Variants in ANO4 observed in about 807,000 individuals in gnomAD.
The protein encoded by ANO4 is anoctamin-4.
A neutral mutation model predicts 141.9 loss-of-function variants in ANO4; 69 were observed. The ratio of observed to expected loss-of-function variants is 0.49; its 90% confidence interval spans 0.40 to 0.59. The LOEUF (loss-of-function observed/expected upper bound fraction) is 0.59. ANO4 is among the 20% of genes least tolerant of loss of function. The probability of loss-of-function intolerance (pLI) is 0.00; values close to 1 mark genes in which losing one functional copy is unlikely to be tolerated. For synonymous variants in ANO4, 350 were observed against 394.3 expected, an observed-to-expected ratio of 0.89 and a Z score of 1.33; for missense variants, 894 against 1,162.2, an observed-to-expected ratio of 0.77 and a Z score of 3.36.
At chr12:101,051,880 AT>A (rs2136675792) in intron 14 of ANO4, among the ~76,000 whole-genome samples, 1 of 152,328 alleles carries the variant, frequency 6.6e-6, no homozygotes, top group African/African-American at 2.4e-5. Context: ...AGCCTCATTT[AT>A]CCTGCTTTGA....
intron 1 of ANO4, among the ~76,000 whole-genome samples, chr12:100,731,356 A>T (rs529064365): frequency 6.1e-4 from 93 of 152,190 alleles, no homozygotes; most frequent in Admixed American, 1.5e-3. Context: ...CCCTATGTTA[A>T]TTTTTTTACA....
chr12:100,999,899 T>G (rs942456546), intron 8 of ANO4, among the ~76,000 whole-genome samples: 1 of 149,290 alleles, frequency 6.7e-6, no homozygotes, highest in Non-Finnish European at 1.5e-5. Context: ...AAAAAAAAAC[T>G]TTAGCCAGGC....
chr12:101,010,973 G>A (rs897487028), intron 8 of ANO4, among the ~76,000 whole-genome samples: 1 of 152,212 alleles, frequency 6.6e-6, no homozygotes, highest in African/African-American at 2.4e-5. Context: ...TGTGGCTGCA[G>A]TTGTCCCTTT....
Position 100,895,561 on chromosome 12 carries a change from G to GTTTTTT in ANO4, c.-140-6074_-140-6069dup, listed in dbSNP as rs201323252. The stretch of plus-strand genomic sequence containing the variant: ...GAGCCTTAAAGAAAATCTGAGCTTT[G>GTTTTTT]TTTTTTTTTTTTTTTTGAGACAGAG... On this transcript the variant is annotated intron_variant, in intron 1 of 27. Transcript: ENST00000392977. 6.7e-3 allele frequency among the ~76,000 whole-genome samples: 882 copies of GTTTTTT among 131,078 alleles called. 20 individuals carry two copies. Among genetic ancestry groups the GTTTTTT allele is most frequent in the African/African-American group, 0.023 (829 of 35,620 alleles). 86.0% of individuals were successfully genotyped at this position (131,078 alleles called of 152,430 possible).
intron 3 of ANO4, among the ~76,000 whole-genome samples, chr12:100,929,889 A>G (rs546449126): frequency 6.6e-6 from 1 of 152,154 alleles, no homozygotes; most frequent in African/African-American, 2.4e-5. Flanking sequence ...TTACAATGAG[A>G]TTTCTCATTG....
intron 3 of ANO4, among the ~76,000 whole-genome samples, chr12:100,755,472 G>A (rs925719149): frequency 7.9e-5 from 12 of 152,160 alleles, no homozygotes; most frequent in African/African-American, 2.7e-4. Context: ...GAGAATGTCT[G>A]ATTTGAATTT....
Position 101,039,983 on chromosome 12 carries a change from G to T in ANO4, c.926G>T (p.Arg309Leu). ...AGTTATAGAAGTAAAAACTCCATTCGAACCCATGGAGCAGAAAACCACCGA... is the reference window on the plus strand; with the variant it reads ...AGTTATAGAAGTAAAAACTCCATTCTAACCCATGGAGCAGAAAACCACCGA... ...EGSYRSKNSIRTHGAENHRHL... is the reference protein window; with the variant it reads ...EGSYRSKNSILTHGAENHRHL... Residue 309 changes from arginine to leucine, a missense_variant, in exon 11 of 28, where the codon CGA becomes CTA. Physicochemically the swap from Arg to Leu is moderately radical, Grantham distance 102. Coordinates refer to ENST00000392977, the MANE Select transcript of ANO4 (RefSeq NM_001286615.2). 1 of 1,587,020 alleles carries T rather than the reference G, an allele frequency of 6.3e-7. No homozygotes were observed. Among genetic ancestry groups the T allele is most frequent in the Non-Finnish European group, 8.6e-7 (1 of 1,165,938 alleles).
chr12:100,723,490 G>A (rs909373254), intron 1 of ANO4, among the ~76,000 whole-genome samples: 1 of 152,100 alleles, frequency 6.6e-6, no homozygotes, highest in Non-Finnish European at 1.5e-5. Flanking sequence ...CCCATCACCG[G>A]GGGCCCATCC....
intron 26 of ANO4, among the ~76,000 whole-genome samples, chr12:101,123,554 A>G (rs2051184367): frequency 1.3e-5 from 2 of 150,962 alleles, no homozygotes; most frequent in Admixed American, 1.3e-4. Flanking sequence ...CCCACTTATA[A>G]GTGAGAACAT....
chr12:100,979,736 T>C (rs1366342994), intron 7 of ANO4, among the ~76,000 whole-genome samples: 1 of 150,114 alleles, frequency 6.7e-6, no homozygotes, highest in Non-Finnish European at 1.5e-5. Flanking sequence ...TTTTATTTAT[T>C]TTTTTTTTTG....
At chr12:100,867,873 A>G (rs1302258184) in intron 1 of ANO4, among the ~76,000 whole-genome samples, 1 of 151,998 alleles carries the variant, frequency 6.6e-6, no homozygotes, top group East Asian at 1.9e-4. Flanking sequence ...GTCATTTTGC[A>G]CTCTTTCATT....
intron 1 of ANO4, among the ~76,000 whole-genome samples, chr12:100,718,065 TCA>T (rs902773717): frequency 6.6e-6 from 1 of 152,066 alleles, no homozygotes; most frequent in Non-Finnish European, 1.5e-5. Context: ...AAAAAAGAAA[TCA>T]GTTTGGAAAT....
At chr12:100,910,637 A>C (rs992402086) in intron 2 of ANO4, among the ~76,000 whole-genome samples, 1 of 152,118 alleles carries the variant, frequency 6.6e-6, no homozygotes, top group Non-Finnish European at 1.5e-5. Context: ...TTTGAGTTTG[A>C]AACTATAAAG....
At chr12:100,747,739 G>A (rs1453759860) in intron 3 of ANO4, among the ~76,000 whole-genome samples, 1 of 152,190 alleles carries the variant, frequency 6.6e-6, no homozygotes, top group Non-Finnish European at 1.5e-5. Flanking sequence ...TGGGTGTGGT[G>A]GCATGTGCCT....
intron 26 of ANO4, among the ~76,000 whole-genome samples, chr12:101,124,290 C>G (rs1228667833): frequency 6.6e-6 from 1 of 151,870 alleles, no homozygotes; most frequent in Non-Finnish European, 1.5e-5. Flanking sequence ...CTGTTTATGT[C>G]TTTTGCCCAC....
At chr12:101,003,759 C>T (rs1472030569) in intron 8 of ANO4, among the ~76,000 whole-genome samples, 1 of 151,902 alleles carries the variant, frequency 6.6e-6, no homozygotes, top group African/African-American at 2.4e-5. Context: ...TTGTATATTT[C>T]AAAATATCTA....
At chr12:100,737,009 C>T (rs765157571) in intron 2 of ANO4, among the ~76,000 whole-genome samples, 1 of 152,174 alleles carries the variant, frequency 6.6e-6, no homozygotes, top group Non-Finnish European at 1.5e-5. Context: ...TTTGTCACAG[C>T]AGCCCTAGAA....
chr12:101,063,165 G>T (rs372001775), intron 14 of ANO4, among the ~76,000 whole-genome samples: 4 of 152,322 alleles, frequency 2.6e-5, no homozygotes, highest in African/African-American at 9.6e-5. Context: ...TGTGCTTCCT[G>T]GGTGAGACAG....
chr12:100,806,019 G>A (rs1245457424), intron 1 of ANO4, among the ~76,000 whole-genome samples: 1 of 152,110 alleles, frequency 6.6e-6, no homozygotes, highest in African/African-American at 2.4e-5. Flanking sequence ...TTTCTCTGTT[G>A]CCATTCGGGA....
Sources: gnomAD v4.1 joint callset for allele counts (sites outside exome capture counted in the v4.1 genomes callset) on GRCh38, gnomAD v4.1.1 for gene constraint, MANE v1.5 for transcripts, NCBI Gene and HGNC (gene_info 2026-07-23, HGNC 2026-07-21) for gene names.